The following PDZD8 variants were observed in gnomAD, a reference collection of about 807,000 sequenced individuals.
PDZD8 encodes the protein PDZ domain containing 8, also known as PDZ domain-containing protein 8.
Under a neutral mutation model 85.8 loss-of-function variants are expected in PDZD8, and 14 were observed. The ratio of observed to expected loss-of-function variants is 0.16; its 90% CI spans 0.11 to 0.26. PDZD8 has a LOEUF of 0.26. Among genes scored for constraint, PDZD8 ranks in the 10% least tolerant of loss-of-function variants. The probability of loss-of-function intolerance (pLI) is 1.00; values close to 1 mark genes in which losing one functional copy is unlikely to be tolerated. For missense variants in PDZD8, 1,197 were observed against 1,424.3 expected (o/e 0.84, Z 2.57); for synonymous variants, 592 against 568.6 (o/e 1.04, Z -0.59).
At chr10:117,324,996 T>C (rs1193832257) in intron 2 of PDZD8, among the ~76,000 whole-genome samples, 1 of 152,172 alleles carries the variant, frequency 6.6e-6, no homozygotes, top group East Asian at 1.9e-4. Context: ...AAGAATCTGT[T>C]CTCCTTGTAA....
intron 1 of PDZD8, among the ~76,000 whole-genome samples, chr10:117,344,549 G>A (rs1181484476): frequency 3.9e-5 from 6 of 152,140 alleles, no homozygotes; most frequent in Admixed American, 2.6e-4. Flanking sequence ...CACCACACCC[G>A]GCTATTTTTT....
chr10:117,362,833 T>C (rs1476637730), intron 1 of PDZD8, among the ~76,000 whole-genome samples: 2 of 151,966 alleles, frequency 1.3e-5, no homozygotes, highest in African/African-American at 4.8e-5. Flanking sequence ...CTGAAGTAAA[T>C]TCAGTTTGTA....
At chr10:117,348,780 A>G (rs1844750905) in intron 1 of PDZD8, among the ~76,000 whole-genome samples, 2 of 152,250 alleles carry the variant, frequency 1.3e-5, no homozygotes, top group African/African-American at 4.8e-5. Flanking sequence ...TATTTTATCA[A>G]TTTTTGAGGG....
chr10:117,340,874 G>T, intron 2 of PDZD8, 106 bp downstream of exon 2: 1 of 1,241,220 alleles, frequency 8.1e-7, no homozygotes, highest in Non-Finnish European at 1.1e-6. Context: ...AGAATTTACA[G>T]GTAAATAATA....
At chr10:117,296,098 A>G (rs899784912) in intron 3 of PDZD8, among the ~76,000 whole-genome samples, 1 of 152,058 alleles carries the variant, frequency 6.6e-6, no homozygotes, top group Non-Finnish European at 1.5e-5. Flanking sequence ...CAAAACAACT[A>G]TTAGAGCTAT....
In PDZD8 at chr10:117,318,936, A is replaced by G; in HGVS notation, c.1034T>C (p.Val345Ala). 6.2e-7 allele frequency: 1 copy of G among 1,612,348 alleles called. No homozygotes were observed. Among genetic ancestry groups the G allele is most frequent in the Non-Finnish European group, 8.5e-7 (1 of 1,178,862 alleles). Residue 345 changes from valine (V) to alanine (A), a missense_variant, in exon 3 of 5, where the codon GTT becomes GCT. By Grantham distance (64) the Val-to-Ala change is moderately conservative. Transcript: ENST00000334464. ...ACTGCTTAACTCAAGTGTGCAATGA[A>G]CATTTGCCTCTCTGTCATAGGATCC... ...IFGSYDREAN[V>A]HCTLELSSSV...
Position 117,310,658 on chromosome 10 carries a change from T to C in PDZD8, c.1098+8214A>G, listed in dbSNP as rs148396656. On this transcript the variant is annotated intron_variant, in intron 3 of 4. Transcript: ENST00000334464. ...AAGCCAAACTATAGAATGTTATATA[T>C]GGTTAAAATTTCATTGAGTCCCTAC... Among the ~76,000 whole-genome samples, 265 of 152,302 alleles carry C rather than the reference T, an allele frequency of 1.7e-3. 1 individual carries two copies. Among genetic ancestry groups the C allele is most frequent in the Non-Finnish European group, 2.8e-3 (193 of 68,028 alleles).
At chr10:117,335,959 C>T (rs1249497982) in intron 2 of PDZD8, among the ~76,000 whole-genome samples, 1 of 152,146 alleles carries the variant, frequency 6.6e-6, no homozygotes, top group Non-Finnish European at 1.5e-5. Context: ...TAAGGATGAA[C>T]TAGAGTTGGA....
chr10:117,321,982 G>A (rs567192350), intron 2 of PDZD8, among the ~76,000 whole-genome samples: 25 of 152,152 alleles, frequency 1.6e-4, no homozygotes, highest in South Asian at 4.1e-4. Flanking sequence ...AGCATACAAA[G>A]CATTATTTGT....
At chr10:117,321,590 A>G (rs538200844) in intron 2 of PDZD8, among the ~76,000 whole-genome samples, 1 of 152,328 alleles carries the variant, frequency 6.6e-6, no homozygotes, top group Middle Eastern at 3.4e-3. Flanking sequence ...CTGTAAATTT[A>G]TTAAAAATCA....
At chr10:117,329,206 TATAA>T (rs1289655716) in intron 2 of PDZD8, among the ~76,000 whole-genome samples, 4 of 152,174 alleles carry the variant, frequency 2.6e-5, no homozygotes, top group Non-Finnish European at 4.4e-5. Context: ...AATAAATGAG[TATAA>T]ATAAATTTCT....
At chr10:117,311,947 T>C (rs1389395329) in intron 3 of PDZD8, among the ~76,000 whole-genome samples, 1 of 151,668 alleles carries the variant, frequency 6.6e-6, no homozygotes, top group African/African-American at 2.4e-5. Context: ...GGAGAAAGAA[T>C]GGCTGTCAGA....
At chr10:117,369,719 G>A (rs1041588399) in intron 1 of PDZD8, among the ~76,000 whole-genome samples, 1 of 152,042 alleles carries the variant, frequency 6.6e-6, no homozygotes, top group Admixed American at 6.6e-5. Context: ...CTTACACACC[G>A]AGTTTCAACC....
intron 2 of PDZD8, among the ~76,000 whole-genome samples, chr10:117,338,498 C>G (rs1041530583): frequency 6.6e-6 from 1 of 152,130 alleles, no homozygotes; most frequent in East Asian, 1.9e-4. Flanking sequence ...TCTAAAAATA[C>G]TGGACCTTAA....
chr10:117,371,774 C>CA (rs202110879), intron 1 of PDZD8, among the ~76,000 whole-genome samples: 12 of 152,022 alleles, frequency 7.9e-5, no homozygotes, highest in South Asian at 4.2e-4. Context: ...CCTATCTCTA[C>CA]AAAAAAAATT....
At chr10:117,288,110 T>C (rs1215262643) in intron 4 of PDZD8, among the ~76,000 whole-genome samples, 2 of 152,196 alleles carry the variant, frequency 1.3e-5, no homozygotes, top group Non-Finnish European at 2.9e-5. Context: ...ATTTTTCTTT[T>C]GGAATATTTC....
At position 117,283,914 on chromosome 10, in the gene PDZD8, T is replaced by C. The variant is rs538132473; in HGVS notation, c.2819A>G (p.Asn940Ser). 1.3e-5 allele frequency: 21 copies of C among 1,614,156 alleles called. No individual in the cohort carries two copies. The African/African-American group carries it at 1.6e-4, about 12-fold the overall frequency. The change falls in exon 5 of 5, where the codon AAT becomes AGT. Residue 940 changes from asparagine to serine, a missense_variant. Around this residue, in one of 4 missense-constraint regions of PDZD8, gnomAD observed 418 missense variants for 571.1 expected, o/e 0.73. Coordinates refer to ENST00000334464, the MANE Select transcript of PDZD8 (RefSeq NM_173791.5). ...CAAATTTAATAAACGAGAACTAGTA[T>C]TGATAATATGCCTTGTCAAACCTGT... is the stretch of plus-strand genomic sequence containing the variant. ...KTTGLTRHII[N>S]TSSRLLNLRQ...
At chr10:117,333,772 C>A (rs1295678238) in intron 2 of PDZD8, among the ~76,000 whole-genome samples, 1 of 152,196 alleles carries the variant, frequency 6.6e-6, no homozygotes, top group Non-Finnish European at 1.5e-5. Context: ...TTCCCTATTT[C>A]TCTCTTCTGT....
At chr10:117,329,042 A>C (rs191826458) in intron 2 of PDZD8, among the ~76,000 whole-genome samples, 2 of 152,386 alleles carry the variant, frequency 1.3e-5, no homozygotes, top group African/African-American at 4.8e-5. Context: ...ACATTTAAAC[A>C]AAAGGATAAC....
Sources: gnomAD v4.1 joint callset for allele counts (sites outside exome capture counted in the v4.1 genomes callset) on GRCh38, gnomAD v4.1.1 for gene constraint, gnomAD v4.1.1 regional missense constraint, MANE v1.5 for transcripts, NCBI Gene and HGNC (gene_info 2026-07-23, HGNC 2026-07-21) for gene names.